GML: variants seen among roughly 807,000 people sequenced by gnomAD.
The protein encoded by GML is glycosylphosphatidylinositol anchored molecule like, also known as glycosyl-phosphatidylinositol-anchored molecule-like protein.
In GML, 5 loss-of-function variants were observed where a neutral mutation model predicts 8.2. The observed-to-expected ratio is 0.61, with a 90% CI of 0.32 to 1.28. The LOEUF is 1.28. Among genes scored for constraint, GML ranks in the 50% most tolerant of loss-of-function variants. GML has a pLI of 0.06. For synonymous variants in GML, 72 were observed against 69.0 expected (o/e 1.04, Z -0.22); for missense variants, 191 against 198.3 (o/e 0.96, Z 0.22).
chr8:142,835,059 G>A (rs1468887949), intron 1 of GML, 191 bp downstream of exon 1: 2 of 47,582 alleles, frequency 4.2e-5, no homozygotes, highest in African/African-American at 1.9e-4. Context: ...GCTCCTCTCA[G>A]GGGTGCCAGG....
chr8:142,846,224 G>T (rs1816501944), intron 3 of GML, among the ~76,000 whole-genome samples, 171 bp from the exon 4 acceptor site: 1 of 152,212 alleles, frequency 6.6e-6, no homozygotes, highest in Non-Finnish European at 1.5e-5. Context: ...AGACCCGCTA[G>T]TGGACTTGGA....
chr8:142,846,326 G>A (rs751481761), intron 3 of GML, 69 bp from the exon 4 acceptor site: 1 of 949,628 alleles, frequency 1.1e-6, no homozygotes, highest in East Asian at 2.4e-5. Context: ...AATGTGAGGT[G>A]TATGTGCCTC....
intron 3 of GML, among the ~76,000 whole-genome samples, chr8:142,844,167 G>A (rs938489985): frequency 2.0e-4 from 30 of 152,156 alleles, no homozygotes; most frequent in African/African-American, 7.2e-4. Flanking sequence ...TTCAGAAAAA[G>A]CCACATACTT....
At chr8:142,843,279 C>CACAG (rs1816460952) in intron 3 of GML, among the ~76,000 whole-genome samples, 2 of 151,794 alleles carry the variant, frequency 1.3e-5, no homozygotes, top group South Asian at 4.2e-4. Flanking sequence ...CACACACACA[C>CACAG]ACACACACAC....
intron 3 of GML, among the ~76,000 whole-genome samples, chr8:142,845,319 G>A (rs1000529834): frequency 6.6e-6 from 1 of 152,222 alleles, no homozygotes; most frequent in Non-Finnish European, 1.5e-5. Flanking sequence ...GAATCCTGGG[G>A]CTCTCTTGCA....
Position 142,841,181 on chromosome 8 carries a change from G to C in GML, c.137G>C (p.Arg46Thr), listed in dbSNP as rs111371033. 4.8e-4 allele frequency: 751 copies of C among 1,579,248 alleles called. 3 individuals carry two copies. In the African/African-American group the frequency reaches 8.5e-3, roughly 18 times the overall value. The change falls in exon 3 of 4, where the codon AGA becomes ACA. Residue 46 changes from arginine (R) to threonine (T), a missense_variant. Coordinates refer to ENST00000220940, the MANE Select transcript of GML (RefSeq NM_002066.3). ...AATGACTTCAACTGTCCCAACATTA[G>C]AGTATGTCCGTATCATATTAGGCGC... ...VINDFNCPNI[R>T]VCPYHIRRCM...
chr8:142,838,817 G>A (rs1255201625), intron 1 of GML, among the ~76,000 whole-genome samples: 2 of 152,114 alleles, frequency 1.3e-5, no homozygotes, highest in Non-Finnish European at 2.9e-5. Flanking sequence ...CTAAAGCTCT[G>A]GGAGCTGGGT....
At chr8:142,835,165 C>T (rs567234752) in intron 1 of GML, among the ~76,000 whole-genome samples, 1 of 151,990 alleles carries the variant, frequency 6.6e-6, no homozygotes, top group East Asian at 1.9e-4. Context: ...AATTCAGCTC[C>T]TCTCAGGGGT....
At chr8:142,837,458 A>G (rs1466896549) in intron 1 of GML, among the ~76,000 whole-genome samples, 2 of 151,974 alleles carry the variant, frequency 1.3e-5, no homozygotes, top group Non-Finnish European at 2.9e-5. Context: ...GAGTTGCAGC[A>G]GGTGGTCTCA....
chr8:142,835,320 CTG>C (rs1283017060), intron 1 of GML, among the ~76,000 whole-genome samples: 1 of 152,130 alleles, frequency 6.6e-6, no homozygotes, highest in African/African-American at 2.4e-5. Context: ...CCTCGAGAGT[CTG>C]GGGCTGGGGC....
At chr8:142,842,415 G>C (rs1275717176) in intron 3 of GML, among the ~76,000 whole-genome samples, 3 of 152,190 alleles carry the variant, frequency 2.0e-5, no homozygotes, top group Admixed American at 1.3e-4. Context: ...TGTCTCCACA[G>C]TGGCCACTGC....
chr8:142,846,396 C>A lies in GML; in HGVS notation c.183C>A (p.Arg61=). The A allele has an allele frequency of 1.3e-6, 2 of 1,575,786 alleles. No homozygotes were observed. The highest frequency in any genetic ancestry group is 1.7e-6 in the Non-Finnish European group (2 of 1,155,130). Residue 61 remains arginine (R), a splice_region_variant and synonymous_variant, in exon 4 of 4, where the codon CGC becomes CGA. Transcript: ENST00000220940. ...TTTCATTGCTGCTTCTTTTTTTAGG[C>A]ATAAATTCTCGTGAACTACTTGTTT... is the stretch of plus-strand genomic sequence containing the variant. ...HIRRCMTISI[R]INSRELLVYK...
chr8:142,846,542 G>A lies in GML; in HGVS notation c.329G>A (p.Cys110Tyr). ...YWVCCCNSMV[C>Y]NAGGPTNLER... ...GTTTGTTGTTGTAATAGCATGGTTT[G>A]CAATGCAGGAGGACCTACTAATCTT... Residue 110 changes from cysteine (C) to tyrosine (Y), a missense_variant, in exon 4 of 4, where the codon TGC becomes TAC. Coordinates refer to ENST00000220940, the MANE Select transcript of GML (RefSeq NM_002066.3). The A allele has an allele frequency of 6.2e-7, 1 of 1,614,098 alleles. No individual in the cohort carries two copies. Among genetic ancestry groups the A allele is most frequent in the Non-Finnish European group, 8.5e-7 (1 of 1,179,966 alleles).
chr8:142,837,617 G>A lies in GML; in HGVS notation c.-23+2749G>A, dbSNP rs188451556. Among the ~76,000 whole-genome samples the A allele has an allele frequency of 9.9e-3, 1,473 of 148,878 alleles. 38 individuals carry two copies. The highest frequency in any genetic ancestry group is 0.035 in the African/African-American group (1,411 of 40,220). On this transcript the variant is annotated intron_variant, in intron 1 of 3. Coordinates refer to ENST00000220940, the MANE Select transcript of GML (RefSeq NM_002066.3). ...CTCTGCCTTAGTTGGGTGTGACAAG[G>A]GTGACCCAATTTGTATGCTCACCTT...
chr8:142,837,953 A>T (rs541806484), intron 1 of GML, among the ~76,000 whole-genome samples: 2 of 148,938 alleles, frequency 1.3e-5, no homozygotes, highest in South Asian at 4.3e-4. Flanking sequence ...GTGAGCCAAG[A>T]CGGCACTCTG....
intron 3 of GML, among the ~76,000 whole-genome samples, chr8:142,844,078 A>AATTATT (rs58066462): frequency 0.62 from 93,817 of 152,058 alleles, 29,277 homozygotes; most frequent in East Asian, 0.85. Flanking sequence ...GAACTATCAA[A>AATTATT]CCGTTTCCTT....
intron 3 of GML, among the ~76,000 whole-genome samples, chr8:142,845,906 G>C (rs902048000): frequency 2.6e-5 from 4 of 152,240 alleles, no homozygotes; most frequent in African/African-American, 9.6e-5. Context: ...ACACCAGGCT[G>C]AGGGTCCCAG....
chr8:142,837,846 C>T (rs1353438845), intron 1 of GML, among the ~76,000 whole-genome samples: 1 of 147,200 alleles, frequency 6.8e-6, no homozygotes, highest in Non-Finnish European at 1.5e-5. Context: ...TCTCTGACTC[C>T]CCAGGGTCCC....
At chr8:142,845,233 G>C (rs1022443649) in intron 3 of GML, among the ~76,000 whole-genome samples, 2 of 152,218 alleles carry the variant, frequency 1.3e-5, no homozygotes, top group African/African-American at 4.8e-5. Flanking sequence ...CTAACCTATA[G>C]GTTTAGAAGC....
Sources: gnomAD v4.1 joint callset for allele counts (sites outside exome capture counted in the v4.1 genomes callset) on GRCh38, gnomAD v4.1.1 for gene constraint, MANE v1.5 for transcripts, NCBI Gene and HGNC (gene_info 2026-07-23, HGNC 2026-07-21) for gene names.